The following NALF1 variants were observed in gnomAD, a reference collection of about 807,000 sequenced individuals.
NALF1 encodes the protein family with sequence similarity 155 member A.
Under a neutral mutation model 48.4 loss-of-function variants are expected in NALF1, and 3 were observed. The observed-to-expected ratio is 0.06, with a 90% CI of 0.03 to 0.16. The LOEUF (loss-of-function observed/expected upper bound fraction) is 0.16, where lower values mean the gene tolerates loss of function less well. NALF1 is among the 10% of genes least tolerant of loss of function. The pLI, the probability that NALF1 is intolerant of heterozygous loss-of-function variation, is 1.00. For missense variants in NALF1, 526 were observed against 571.5 expected, an observed-to-expected ratio of 0.92 and a Z score of 0.81; for synonymous variants, 262 against 245.7, an observed-to-expected ratio of 1.07 and a Z score of -0.62.
chr13:107,257,655 T>G (rs1880846486), intron 1 of NALF1, among the ~76,000 whole-genome samples: 1 of 152,164 alleles, frequency 6.6e-6, no homozygotes, highest in Admixed American at 6.5e-5. Flanking sequence ...GCGACCCATT[T>G]CCCATCACTG....
At chr13:107,847,529 C>G (rs1327283282) in intron 1 of NALF1, among the ~76,000 whole-genome samples, 2 of 152,212 alleles carry the variant, frequency 1.3e-5, no homozygotes, top group Non-Finnish European at 2.9e-5. Flanking sequence ...ATTGAAACAT[C>G]TGTCTTACTG....
At position 107,729,056 on chromosome 13, in the gene NALF1, T is replaced by C. The variant is rs115634127; in HGVS notation, c.915+136626A>G. ...TTTAGGGGAAGCAGCGAATAGCCTT[T>C]GAGGAGAAAATATTCACTCTATGGA... is the stretch of plus-strand genomic sequence containing the variant. On this transcript the variant is annotated intron_variant, in intron 1 of 2. Transcript: ENST00000375915. 9.5e-3 allele frequency among the ~76,000 whole-genome samples: 1,454 copies of C among 152,282 alleles called. 25 individuals are homozygous for C. Among genetic ancestry groups the C allele is most frequent in the African/African-American group, 0.034 (1,396 of 41,554 alleles).
intron 1 of NALF1, among the ~76,000 whole-genome samples, chr13:107,452,529 G>A (rs901674683): frequency 6.6e-6 from 1 of 152,124 alleles, no homozygotes; most frequent in East Asian, 1.9e-4. Context: ...CCATCTTCAT[G>A]ATTAAATTAC....
intron 1 of NALF1, among the ~76,000 whole-genome samples, chr13:107,675,904 G>A (rs1291718783): frequency 6.6e-6 from 1 of 152,118 alleles, no homozygotes; most frequent in Non-Finnish European, 1.5e-5. Flanking sequence ...ATGGAGGAAG[G>A]TAAGAACTTC....
intron 1 of NALF1, among the ~76,000 whole-genome samples, chr13:107,782,741 C>G (rs1283495397): frequency 6.7e-6 from 1 of 149,400 alleles, no homozygotes; most frequent in African/African-American, 2.5e-5. Flanking sequence ...TCTGCCCGGT[C>G]GCGACCCCGT....
intron 1 of NALF1, among the ~76,000 whole-genome samples, chr13:107,678,503 G>C (rs558229542): frequency 2.6e-5 from 4 of 152,298 alleles, no homozygotes; most frequent in African/African-American, 9.6e-5. Flanking sequence ...GGACAAATCC[G>C]AATCTCTGTG....
intron 1 of NALF1, among the ~76,000 whole-genome samples, chr13:107,823,942 C>A (rs1000817936): frequency 5.3e-5 from 8 of 151,792 alleles, no homozygotes; most frequent in Admixed American, 3.9e-4. Flanking sequence ...TCTTGTAGTG[C>A]TGGCATCTAG....
chr13:107,464,235 A>AG (rs398024338), intron 1 of NALF1, among the ~76,000 whole-genome samples: 2 of 151,864 alleles, frequency 1.3e-5, no homozygotes, highest in African/African-American at 4.8e-5. Flanking sequence ...TTAAAAAAAA[A>AG]CTGTCATAGT....
chr13:107,439,759 C>T (rs1884526193), intron 1 of NALF1, among the ~76,000 whole-genome samples: 1 of 152,164 alleles, frequency 6.6e-6, no homozygotes, highest in Non-Finnish European at 1.5e-5. Flanking sequence ...GATTTCAGCA[C>T]TTCTTTGTCT....
chr13:107,836,363 C>G (rs565544278), intron 1 of NALF1, among the ~76,000 whole-genome samples: 14 of 152,156 alleles, frequency 9.2e-5, no homozygotes, highest in South Asian at 2.1e-4. Flanking sequence ...TCAAAGCTGT[C>G]TTAAATAATT....
At chr13:107,282,233 T>C (rs533406979) in intron 1 of NALF1, among the ~76,000 whole-genome samples, 21 of 152,296 alleles carry the variant, frequency 1.4e-4, no homozygotes, top group Non-Finnish European at 2.4e-4. Context: ...ATCCCAGACT[T>C]TGAGGTCAGG....
intron 1 of NALF1, among the ~76,000 whole-genome samples, chr13:107,475,768 A>C (rs1210086272): frequency 6.6e-6 from 1 of 152,200 alleles, no homozygotes; most frequent in Non-Finnish European, 1.5e-5. Flanking sequence ...GAACACAATT[A>C]AATCAATAAA....
chr13:107,818,388 G>A (rs1200095467), intron 1 of NALF1, among the ~76,000 whole-genome samples: 1 of 152,096 alleles, frequency 6.6e-6, no homozygotes, highest in Non-Finnish European at 1.5e-5. Flanking sequence ...ACAGCACCTG[G>A]CCAGGAATTG....
At chr13:107,598,638 G>A (rs1239680448) in intron 1 of NALF1, among the ~76,000 whole-genome samples, 1 of 152,024 alleles carries the variant, frequency 6.6e-6, no homozygotes, top group African/African-American at 2.4e-5. Context: ...AATTTCTCTG[G>A]CTAAAAATTG....
intron 1 of NALF1, among the ~76,000 whole-genome samples, chr13:107,470,356 C>A (rs180965118): frequency 3.9e-5 from 6 of 152,248 alleles, no homozygotes; most frequent in South Asian, 2.1e-4. Flanking sequence ...ATCTTTCAGG[C>A]AGAACATAAG....
chr13:107,497,992 T>C (rs1875394148), intron 1 of NALF1, among the ~76,000 whole-genome samples: 2 of 152,146 alleles, frequency 1.3e-5, no homozygotes, highest in African/African-American at 4.8e-5. Flanking sequence ...AACAATATTG[T>C]TTGAGTGCCT....
chr13:107,422,988 C>A (rs555234193), intron 1 of NALF1, among the ~76,000 whole-genome samples: 3 of 152,212 alleles, frequency 2.0e-5, no homozygotes, highest in South Asian at 4.2e-4. Flanking sequence ...CCGACACCTA[C>A]ATTTTAGTTT....
chr13:107,830,134 C>A (rs1594299819), intron 1 of NALF1, among the ~76,000 whole-genome samples: 1 of 152,284 alleles, frequency 6.6e-6, no homozygotes, highest in East Asian at 1.9e-4. Flanking sequence ...GCCCATTTCC[C>A]TTTCTACCGC....
At chr13:107,202,704 A>G (rs7319301) in intron 2 of NALF1, among the ~76,000 whole-genome samples, 10,911 of 152,248 alleles carry the variant, frequency 0.072, 541 homozygotes, top group East Asian at 0.13. Context: ...TTGAGAAATC[A>G]GGACATGTTT....
Sources: allele counts gnomAD v4.1 joint callset (sites outside exome capture counted in the v4.1 genomes callset), GRCh38; gene constraint gnomAD v4.1.1; transcripts MANE v1.5; gene names NCBI Gene and HGNC (gene_info 2026-07-23, HGNC 2026-07-21).